The following RPS6KA2 variants were observed in gnomAD, a reference collection of about 807,000 sequenced individuals.
The protein encoded by RPS6KA2 is ribosomal protein S6 kinase alpha-2.
RPS6KA2 carries 42 observed loss-of-function variants against 91.8 expected under a neutral mutation model. The ratio of observed to expected loss-of-function variants is 0.46; its 90% CI spans 0.36 to 0.59. RPS6KA2 has a LOEUF of 0.59. Ranked by LOEUF, RPS6KA2 falls within the 20% of genes least tolerant of loss-of-function variation. RPS6KA2 has a pLI of 0.00. For missense variants in RPS6KA2, 798 were observed against 978.5 expected (o/e 0.82, Z 2.46); for synonymous variants, 414 against 393.6 (o/e 1.05, Z -0.61).
intron 19 of RPS6KA2, among the ~76,000 whole-genome samples, chr6:166,414,842 A>G (rs1440292000): frequency 6.6e-6 from 1 of 152,196 alleles, no homozygotes; most frequent in African/African-American, 2.4e-5. Flanking sequence ...AGGCAGGTGG[A>G]TCACTTGAGG....
At chr6:166,763,840 C>G (rs522720) in intron 2 of RPS6KA2, among the ~76,000 whole-genome samples, 55,440 of 152,034 alleles carry the variant, frequency 0.36, 11,982 homozygotes, top group African/African-American at 0.59. Flanking sequence ...AGAGCTGTGC[C>G]TGTCCGTGTA....
intron 2 of RPS6KA2, among the ~76,000 whole-genome samples, chr6:166,850,184 T>G (rs1182825762): frequency 6.8e-6 from 1 of 147,518 alleles, no homozygotes; most frequent in Non-Finnish European, 1.5e-5. Flanking sequence ...CAGCTGCATG[T>G]ACATTACAAG....
Position 166,480,475 on chromosome 6 carries a change from GATTTTATATATATATAT to G in RPS6KA2, c.907+8341_907+8357del, listed in dbSNP as rs1365760651. On this transcript the variant is annotated intron_variant, in intron 10 of 20. Coordinates refer to ENST00000265678, the MANE Select transcript of RPS6KA2 (RefSeq NM_021135.6). Reference sequence around the variant, plus strand: ...AGAATCTTATATTCCTTAAGATTGTGATTTTATATATATATATATATATATATATATATATATATAAT... The same window carrying G: ...AGAATCTTATATTCCTTAAGATTGTGATATATATATATATATATATATAAT... Among the ~76,000 whole-genome samples, 46 of 61,000 alleles carry G rather than the reference GATTTTATATATATATAT, an allele frequency of 7.5e-4. 2 individuals carry two copies. The highest frequency in any genetic ancestry group is 4.7e-3 in the Admixed American group (20 of 4,260). The allele number at this position is 61,000 out of a possible 152,430, so 40.0% of individuals were successfully genotyped here. A position where few individuals can be genotyped will look rare whatever the true frequency, so the allele number is the denominator to read the frequency against.
intron 1 of RPS6KA2, among the ~76,000 whole-genome samples, chr6:166,611,785 C>A (rs1258114278): frequency 2.0e-5 from 3 of 152,180 alleles, no homozygotes; most frequent in Non-Finnish European, 4.4e-5. Context: ...AACCGCAAGT[C>A]AGGACTCCAC....
chr6:166,517,460 T>G (rs57851709), intron 3 of RPS6KA2, among the ~76,000 whole-genome samples: 1,300 of 19,176 alleles, frequency 0.068, 9 homozygotes, highest in South Asian at 0.14. Flanking sequence ...GTTTTGTTTT[T>G]TTTTTTTTTT....
chr6:166,827,158 G>A (rs1161091513), intron 2 of RPS6KA2, among the ~76,000 whole-genome samples: 1 of 150,156 alleles, frequency 6.7e-6, no homozygotes, highest in East Asian at 2.0e-4. Flanking sequence ...TAGAGCTGGG[G>A]AAGGCCAAGA....
intron 1 of RPS6KA2, among the ~76,000 whole-genome samples, chr6:166,539,065 C>T (rs1223497113): frequency 6.6e-6 from 1 of 152,090 alleles, no homozygotes; most frequent in Non-Finnish European, 1.5e-5. Flanking sequence ...CCTCCTGCCA[C>T]CATGCCCACC....
intron 14 of RPS6KA2, among the ~76,000 whole-genome samples, chr6:166,441,755 C>A (rs1420715360): frequency 6.6e-6 from 1 of 152,258 alleles, no homozygotes; most frequent in Non-Finnish European, 1.5e-5. Flanking sequence ...AGGCTGTGAT[C>A]CACAGGAGCC....
chr6:166,467,805 A>G (rs576114930), intron 11 of RPS6KA2, among the ~76,000 whole-genome samples: 1 of 152,368 alleles, frequency 6.6e-6, no homozygotes, highest in African/African-American at 2.4e-5. Flanking sequence ...CTGCCAAGTC[A>G]TCACAAGACC....
In RPS6KA2 at chr6:166,448,101, T is replaced by C. The variant is rs532153015; in HGVS notation, c.1332+623A>G. Among the ~76,000 whole-genome samples the C allele has an allele frequency of 5.8e-4, 88 of 152,380 alleles. 1 individual carries two copies. In the South Asian group the frequency reaches 0.017, roughly 30 times the overall value. ...ACAATTACGAAAGCTAAAGTTACTA[T>C]GTAGAGATTGCCAAATTGGGTTACA... On this transcript the variant is annotated intron_variant, in intron 14 of 20. Coordinates refer to ENST00000265678, the MANE Select transcript of RPS6KA2 (RefSeq NM_021135.6). The surrounding 1 kb of genome is among the most constrained non-coding windows in gnomAD (Gnocchi z 4.7).
In RPS6KA2 at chr6:166,467,619, T is replaced by TG. The variant is rs541346371; in HGVS notation, c.972+2221dup. Among the ~76,000 whole-genome samples the TG allele has an allele frequency of 1.8e-3, 271 of 152,184 alleles. 2 individuals are homozygous for TG. Among genetic ancestry groups the TG allele is most frequent in the African/African-American group, 6.3e-3 (263 of 41,520 alleles). ...AGCCAGACCAGCTGGAGCCAGTGCTTGGGGGGAACCTGTTCCATGGAGGCA... is the reference window on the plus strand; with the variant it reads ...AGCCAGACCAGCTGGAGCCAGTGCTTGGGGGGGAACCTGTTCCATGGAGGCA... On this transcript the variant is annotated intron_variant, in intron 11 of 20. Coordinates refer to ENST00000265678, the MANE Select transcript of RPS6KA2 (RefSeq NM_021135.6).
At chr6:166,803,760 C>T (rs1413083138) in intron 2 of RPS6KA2, among the ~76,000 whole-genome samples, 3 of 152,146 alleles carry the variant, frequency 2.0e-5, no homozygotes, top group Non-Finnish European at 4.4e-5. Flanking sequence ...CTGGGAAGCA[C>T]GAGATGTTTT....
chr6:166,412,876 G>A lies in RPS6KA2; in HGVS notation c.2088C>T (p.Ala696=). 1 of 1,556,206 alleles carries A rather than the reference G, an allele frequency of 6.4e-7. No homozygotes were observed. Among genetic ancestry groups the A allele is most frequent in the Non-Finnish European group, 8.7e-7 (1 of 1,149,632 alleles). ...TTCTGTTTAGAGCAAAGTAGGTGGC[G>A]GCCATCGCGCCCTGCAAAACAGAAG... ...QDVHLVKGAM[A]ATYFALNRTP... is the part of the protein sequence containing the mutation. The change falls in exon 21 of 21, where the codon GCC becomes GCT. Residue 696 remains alanine, a synonymous_variant. Coordinates refer to ENST00000265678, the MANE Select transcript of RPS6KA2 (RefSeq NM_021135.6). The surrounding 1 kb of genome is among the most constrained non-coding windows in gnomAD (Gnocchi z 4.3).
At chr6:166,444,626 C>T (rs1387986530) in intron 14 of RPS6KA2, among the ~76,000 whole-genome samples, 4 of 152,166 alleles carry the variant, frequency 2.6e-5, no homozygotes, top group Non-Finnish European at 4.4e-5. Flanking sequence ...GAAACAGTGC[C>T]GTGCGCGTGA....
intron 2 of RPS6KA2, among the ~76,000 whole-genome samples, chr6:166,818,829 G>A (rs149006527): frequency 2.2e-3 from 341 of 151,918 alleles, no homozygotes; most frequent in African/African-American, 3.2e-3. Flanking sequence ...TCCTCTCTAC[G>A]TGTTCCCGCT....
intron 2 of RPS6KA2, among the ~76,000 whole-genome samples, chr6:166,735,682 A>G (rs1790655141): frequency 6.6e-6 from 1 of 152,162 alleles, no homozygotes; most frequent in Admixed American, 6.5e-5. Flanking sequence ...ATAGGGTTCA[A>G]GTTCCTATGA....
At chr6:166,691,136 A>G (rs1789195427) in intron 2 of RPS6KA2, among the ~76,000 whole-genome samples, 1 of 152,046 alleles carries the variant, frequency 6.6e-6, no homozygotes, top group Admixed American at 6.5e-5. Context: ...CTCTGTCATA[A>G]TGTTGCTTCT....
rs532991434 is a variant in RPS6KA2, at chr6:166,561,426, C to T, written c.100-22642G>A. ...CTCGTTCCCCGCCAATGGGTTCCCT[C>T]CCTCCTATAAAGAAGAAAATCTGTT... On this transcript the variant is annotated intron_variant, in intron 1 of 20. Transcript: ENST00000265678. Among the ~76,000 whole-genome samples the T allele has an allele frequency of 3.3e-5, 5 of 152,118 alleles. No homozygotes were observed. In the South Asian group the frequency reaches 1.0e-3, roughly 32 times the overall value.
In RPS6KA2 at chr6:166,423,072, G is replaced by A. The variant is rs1298020330; in HGVS notation, c.1743+184C>T. ...AAATGAGAATGATAAGAACAACTACGTTTAAGCAAGATTGGCCCCTGGCTC... is the reference window on the plus strand; with the variant it reads ...AAATGAGAATGATAAGAACAACTACATTTAAGCAAGATTGGCCCCTGGCTC... On this transcript the variant is annotated intron_variant, in intron 17 of 20. Coordinates refer to ENST00000265678, the MANE Select transcript of RPS6KA2 (RefSeq NM_021135.6). This position sits in a 1 kb window ranked among gnomAD's most constrained non-coding sequence, Gnocchi z 4.8. Among the ~76,000 whole-genome samples the A allele has an allele frequency of 6.6e-6, 1 of 152,224 alleles. No individual in the cohort carries two copies. Among genetic ancestry groups the A allele is most frequent in the Non-Finnish European group, 1.5e-5 (1 of 68,042 alleles).
Sources: allele counts gnomAD v4.1 joint callset (sites outside exome capture counted in the v4.1 genomes callset), GRCh38; gene constraint gnomAD v4.1.1; non-coding constraint Gnocchi (gnomAD v3.1); transcripts MANE v1.5; gene names NCBI Gene and HGNC (gene_info 2026-07-23, HGNC 2026-07-21).